ANK3: variants seen among roughly 807,000 people sequenced by gnomAD.
ANK3 encodes the protein ankyrin 3.
A neutral mutation model predicts 370.9 loss-of-function variants in ANK3; 57 were observed. That is an observed-to-expected ratio of 0.15 (90% confidence interval 0.12 to 0.19). The LOEUF (loss-of-function observed/expected upper bound fraction) is 0.19. Ranked by LOEUF, ANK3 falls within the 10% of genes least tolerant of loss-of-function variation. The pLI is 1.00. For missense variants in ANK3, 4,439 were observed against 5,302.1 expected (o/e 0.84, Z 5.06); for synonymous variants, 1,929 against 1,946.3 (o/e 0.99, Z 0.23).
At chr10:60,158,359 C>T (rs1179521102) in intron 23 of ANK3, among the ~76,000 whole-genome samples, 1 of 152,092 alleles carries the variant, frequency 6.6e-6, no homozygotes, top group African/African-American at 2.4e-5. Context: ...GTGTACAAAC[C>T]ACTCATACCT....
At chr10:60,694,934 T>C (rs1483073650) in intron 1 of ANK3, among the ~76,000 whole-genome samples, 2 of 148,604 alleles carry the variant, frequency 1.3e-5, no homozygotes, top group Admixed American at 6.7e-5. Context: ...AATGCTCCAA[T>C]TAAAAGACAC....
intron 42 of ANK3, chr10:60,044,258 T>G: frequency 1.0e-6 from 1 of 985,150 alleles, no homozygotes; most frequent in Non-Finnish European, 1.2e-6. Flanking sequence ...ATCTGAATGA[T>G]GATTACTTTT....
chr10:60,259,969 A>G (rs939810481), intron 7 of ANK3, among the ~76,000 whole-genome samples: 1 of 152,220 alleles, frequency 6.6e-6, no homozygotes, highest in Admixed American at 6.5e-5. Flanking sequence ...AGTTAACACA[A>G]TAAGAAAAAT....
intron 2 of ANK3, among the ~76,000 whole-genome samples, chr10:60,599,678 C>G (rs968813269): frequency 1.3e-5 from 2 of 152,184 alleles, no homozygotes; most frequent in African/African-American, 4.8e-5. Flanking sequence ...AACTGGTGTT[C>G]TTGCTTCCTC....
chr10:60,679,484 A>G (rs1386899674), intron 1 of ANK3, among the ~76,000 whole-genome samples: 1 of 152,182 alleles, frequency 6.6e-6, no homozygotes, highest in Non-Finnish European at 1.5e-5. Flanking sequence ...AGGCTCAAGC[A>G]TGCACACTAG....
At chr10:60,515,305 C>T (rs1370786992) in intron 2 of ANK3, among the ~76,000 whole-genome samples, 2 of 152,104 alleles carry the variant, frequency 1.3e-5, no homozygotes, top group Non-Finnish European at 2.9e-5. Flanking sequence ...ACCATAAGCA[C>T]TCCCCAGTGG....
At position 60,071,707 on chromosome 10, in the gene ANK3, C is replaced by A. The variant is rs2082721744; in HGVS notation, c.9174G>T (p.Lys3058Asn). ...SPDSLEFSPG[K>N]ESPSSDVFDH... ...CGAATACATCACTAGAGGGAGATTC[C>A]TTTCCTGGGCTAAACTCTAAAGAAT... The change falls in exon 37 of 44, where the codon AAG (lysine) becomes AAT (asparagine). Residue 3058 changes from lysine (K) to asparagine (N), a missense_variant. By Grantham distance (94) the Lys-to-Asn change is moderately conservative. Coordinates refer to ENST00000280772, the MANE Select transcript of ANK3 (RefSeq NM_020987.5). 6.3e-7 allele frequency: 1 copy of A among 1,596,696 alleles called. No individual in the cohort carries two copies. The highest frequency in any genetic ancestry group is 1.1e-5 in the South Asian group (1 of 87,006).
intron 2 of ANK3, among the ~76,000 whole-genome samples, chr10:60,601,121 T>C (rs2078055322): frequency 6.6e-6 from 1 of 151,850 alleles, no homozygotes; most frequent in Admixed American, 6.6e-5. Context: ...GACTTTCACA[T>C]GTCTTGCAAA....
At chr10:60,673,761 G>A (rs528058503) in intron 1 of ANK3, among the ~76,000 whole-genome samples, 2 of 152,252 alleles carry the variant, frequency 1.3e-5, no homozygotes, top group South Asian at 4.1e-4. Context: ...CTGCTCTATT[G>A]GATCTCCTTC....
chr10:60,468,444 T>C (rs964170259), intron 2 of ANK3, among the ~76,000 whole-genome samples: 16 of 152,104 alleles, frequency 1.1e-4, no homozygotes, highest in African/African-American at 3.9e-4. Flanking sequence ...ACAGCAATAA[T>C]TAGGCTGTAC....
chr10:60,726,657 C>G (rs1413463200), intron 1 of ANK3, among the ~76,000 whole-genome samples: 1 of 151,888 alleles, frequency 6.6e-6, no homozygotes, highest in East Asian at 1.9e-4. Flanking sequence ...TTTTTTTCTT[C>G]TTTGCTGTAA....
At chr10:60,223,884 T>C (rs2097099270) in intron 8 of ANK3, among the ~76,000 whole-genome samples, 1 of 152,148 alleles carries the variant, frequency 6.6e-6, no homozygotes, top group Non-Finnish European at 1.5e-5. Flanking sequence ...TGGTTGATAC[T>C]GTGCTTTGCA....
At position 60,070,887 on chromosome 10, in the gene ANK3, AT is replaced by A; in HGVS notation, c.9993del (p.Lys3331AsnfsTer6). ...TCCACTTCCTTTAATTTGAAGGTAT[AT>A]TTTTTAACTGGGACTGGCTGATAAA... ...ESIYQPVPVK[K>X]YTFKLKEVDD... On this transcript the variant is annotated frameshift_variant, in exon 37 of 44. Transcript: ENST00000280772. LOFTEE classifies it high-confidence loss of function. This position sits in a 1 kb window ranked among gnomAD's most constrained non-coding sequence, Gnocchi z 5.7. 6.2e-7 allele frequency: 1 copy of A among 1,613,946 alleles called. No individual in the cohort carries two copies. Among genetic ancestry groups the A allele is most frequent in the Non-Finnish European group, 8.5e-7 (1 of 1,179,998 alleles).
intron 2 of ANK3, among the ~76,000 whole-genome samples, chr10:60,523,539 G>A (rs914899040): frequency 1.3e-5 from 2 of 151,392 alleles, no homozygotes; most frequent in Non-Finnish European, 1.5e-5. Context: ...ATGATTTCCA[G>A]TTTCATCCAT....
At chr10:60,140,463 C>T in intron 23 of ANK3, 11 of 1,607,570 alleles carry the variant, frequency 6.8e-6, no homozygotes, top group Non-Finnish European at 9.3e-6. Flanking sequence ...CTCAAGGAAA[C>T]CAATCCCTGG....
intron 1 of ANK3, among the ~76,000 whole-genome samples, chr10:60,316,317 A>T (rs1204857830): frequency 6.6e-6 from 1 of 152,146 alleles, no homozygotes; most frequent in African/African-American, 2.4e-5. Flanking sequence ...TCCTCACACA[A>T]ACAAAAAAGC....
intron 1 of ANK3, among the ~76,000 whole-genome samples, chr10:60,723,122 T>C (rs2079888278): frequency 1.3e-5 from 2 of 152,244 alleles, no homozygotes; most frequent in South Asian, 4.1e-4. Flanking sequence ...CAATTTGAAT[T>C]AATTACCTAA....
rs965626264 is a variant in ANK3 at position 60,070,955 on chromosome 10, G to A, written c.9926C>T (p.Pro3309Leu). Residue 3309 changes from proline to leucine, a missense_variant, in exon 37 of 44, where the codon CCT becomes CTT. By Grantham distance (98) the Pro-to-Leu change is moderately conservative. Coordinates refer to ENST00000280772, the MANE Select transcript of ANK3 (RefSeq NM_020987.5). This position sits in a 1 kb window ranked among gnomAD's most constrained non-coding sequence, Gnocchi z 5.7. ...TGAATCACTGACGTCTGCCCCGGGA[G>A]GAACTGGTGAAGGTGGCTGCACTCT... ...VIRVQPPSPV[P>L]PGADVSDSSD... The A allele has an allele frequency of 5.0e-6, 8 of 1,614,122 alleles. No individual in the cohort carries two copies. The highest frequency in any genetic ancestry group is 6.8e-6 in the Non-Finnish European group (8 of 1,180,006).
intron 2 of ANK3, among the ~76,000 whole-genome samples, chr10:60,611,990 C>T (rs947734150): frequency 5.3e-5 from 8 of 152,058 alleles, no homozygotes; most frequent in Admixed American, 2.6e-4. Flanking sequence ...ATTCAGAATT[C>T]ATCCAAACTA....
Sources: allele counts gnomAD v4.1 joint callset (sites outside exome capture counted in the v4.1 genomes callset), GRCh38; gene constraint gnomAD v4.1.1; non-coding constraint Gnocchi (gnomAD v3.1); transcripts MANE v1.5; gene names NCBI Gene and HGNC (gene_info 2026-07-23, HGNC 2026-07-21).